The following ELMO1 variants were observed in gnomAD, a reference collection of about 807,000 sequenced individuals.
The protein encoded by ELMO1 is engulfment and cell motility 1.
ELMO1 carries 26 observed loss-of-function variants against 98.9 expected under a neutral mutation model. That is an observed-to-expected ratio of 0.26 (90% CI 0.19 to 0.36). The LOEUF is 0.36. ELMO1 is among the 10% of genes least tolerant of loss of function. The pLI, the probability that ELMO1 is intolerant of heterozygous loss-of-function variation, is 1.00. For synonymous variants in ELMO1, 346 were observed against 346.0 expected (o/e 1.00, Z 0.00); for missense variants, 627 against 935.2 (o/e 0.67, Z 4.30).
chr7:36,901,380 T>C (rs1227491128), intron 16 of ELMO1, among the ~76,000 whole-genome samples: 1 of 152,214 alleles, frequency 6.6e-6, no homozygotes, highest in African/African-American at 2.4e-5. Flanking sequence ...AAACTTCTGT[T>C]AAGGGCAGAT....
intron 16 of ELMO1, among the ~76,000 whole-genome samples, chr7:36,976,849 C>T (rs1790592265): frequency 6.6e-6 from 1 of 152,182 alleles, no homozygotes. Flanking sequence ...GAAAAGTCTT[C>T]ACACCATTCA....
chr7:37,135,617 A>C (rs1454662635), intron 13 of ELMO1, among the ~76,000 whole-genome samples: 1 of 152,158 alleles, frequency 6.6e-6, no homozygotes, highest in African/African-American at 2.4e-5. Context: ...CTAGACCCAG[A>C]AGAGCAAAAA....
At chr7:37,283,880 G>C (rs1449515877) in intron 4 of ELMO1, among the ~76,000 whole-genome samples, 3 of 152,212 alleles carry the variant, frequency 2.0e-5, no homozygotes, top group South Asian at 2.1e-4. Context: ...TGCCCTCTTT[G>C]AAGAACCCTG....
At chr7:37,314,273 A>C (rs1799036662) in intron 4 of ELMO1, among the ~76,000 whole-genome samples, 1 of 152,112 alleles carries the variant, frequency 6.6e-6, no homozygotes, top group South Asian at 2.1e-4. Context: ...AATAAATTCC[A>C]GTGTGCCCTT....
intron 1 of ELMO1, among the ~76,000 whole-genome samples, chr7:37,421,094 C>T (rs1804453080): frequency 6.6e-6 from 1 of 152,204 alleles, no homozygotes; most frequent in African/African-American, 2.4e-5. Flanking sequence ...TAACCTCTTC[C>T]TAATGAGGAG....
chr7:37,235,472 C>A (rs1183245276), intron 7 of ELMO1, among the ~76,000 whole-genome samples: 1 of 152,120 alleles, frequency 6.6e-6, no homozygotes, highest in African/African-American at 2.4e-5. Context: ...GATATTTGGT[C>A]ATACCCAGCA....
chr7:37,295,973 G>A (rs775124317), intron 4 of ELMO1, among the ~76,000 whole-genome samples: 7 of 152,276 alleles, frequency 4.6e-5, no homozygotes, highest in South Asian at 2.1e-4. Context: ...CATTCCCACC[G>A]TGTATTTACC....
intron 14 of ELMO1, among the ~76,000 whole-genome samples, chr7:37,098,507 C>T (rs1051111819): frequency 2.0e-5 from 3 of 152,156 alleles, no homozygotes; most frequent in Non-Finnish European, 4.4e-5. Flanking sequence ...TGAGAAAGAC[C>T]TTGCTATGTC....
chr7:36,967,973 G>A (rs1401785454), intron 16 of ELMO1, among the ~76,000 whole-genome samples: 1 of 152,070 alleles, frequency 6.6e-6, no homozygotes, highest in African/African-American at 2.4e-5. Context: ...TTTTGTTTTA[G>A]TAAGTTTATT....
chr7:37,360,081 TA>T (rs1341483105), intron 1 of ELMO1, among the ~76,000 whole-genome samples: 2 of 152,228 alleles, frequency 1.3e-5, no homozygotes, highest in Non-Finnish European at 2.9e-5. Context: ...TCATGACCTC[TA>T]AGCTTTTACC....
chr7:37,320,584 G>A (rs1212839059), intron 2 of ELMO1, among the ~76,000 whole-genome samples: 1 of 152,124 alleles, frequency 6.6e-6, no homozygotes. Context: ...CTAAATAGAT[G>A]TAATTACTCC....
At chr7:37,046,765 G>C (rs1394567694) in intron 15 of ELMO1, among the ~76,000 whole-genome samples, 1 of 152,206 alleles carries the variant, frequency 6.6e-6, no homozygotes, top group Non-Finnish European at 1.5e-5. Flanking sequence ...ATCTTTGAAA[G>C]ATCAAGGGAG....
Position 37,170,050 on chromosome 7 carries a change from C to T in ELMO1, c.1087-36816G>A, listed in dbSNP as rs111712156. Among the ~76,000 whole-genome samples the T allele has an allele frequency of 9.2e-5, 14 of 152,198 alleles. 1 individual carries two copies. Among genetic ancestry groups the T allele is most frequent in the African/African-American group, 2.4e-4 (10 of 41,518 alleles). On this transcript the variant is annotated intron_variant, in intron 13 of 21. Transcript: ENST00000310758. ...CCGAGTAGCTGCGATTATAAGCACACGCCACCATGCCCAGCTAATTTTTTT... is the reference window on the plus strand; with the variant it reads ...CCGAGTAGCTGCGATTATAAGCACATGCCACCATGCCCAGCTAATTTTTTT...
At chr7:37,295,887 A>G (rs1798004193) in intron 4 of ELMO1, among the ~76,000 whole-genome samples, 1 of 152,214 alleles carries the variant, frequency 6.6e-6, no homozygotes, top group African/African-American at 2.4e-5. Flanking sequence ...TGATCATTAT[A>G]ATAATATAGC....
chr7:37,300,647 G>A, intron 4 of ELMO1, among the ~76,000 whole-genome samples: 1 of 108,866 alleles, frequency 9.2e-6, no homozygotes, highest in African/African-American at 3.4e-5. Context: ...TAAGCTTTTT[G>A]ATGTGCTGCT....
chr7:36,865,415 A>C (rs191223257), intron 20 of ELMO1, among the ~76,000 whole-genome samples: 1 of 152,360 alleles, frequency 6.6e-6, no homozygotes, highest in African/African-American at 2.4e-5. Flanking sequence ...CATGTAGTAC[A>C]TAACAGAGAT....
chr7:37,180,790 GCACATATGCACACACATATGCGCA>G (rs1392281735), intron 13 of ELMO1, among the ~76,000 whole-genome samples: 5 of 142,800 alleles, frequency 3.5e-5, no homozygotes, highest in South Asian at 2.3e-4. Flanking sequence ...ACACACATAT[GCACATATGCACACACATATGCGCA>G]CACACACACA....
intron 2 of ELMO1, 26 bp from the exon 3 acceptor site, chr7:37,315,986 C>T (rs1562606608): frequency 1.2e-5 from 18 of 1,533,752 alleles, no homozygotes; most frequent in Non-Finnish European, 1.4e-5. Context: ...AAAGGAAATA[C>T]TTGTTAGTTT....
intron 8 of ELMO1, among the ~76,000 whole-genome samples, chr7:37,226,202 C>A (rs904347582): frequency 1.3e-5 from 2 of 152,158 alleles, no homozygotes; most frequent in Non-Finnish European, 2.9e-5. Flanking sequence ...TGAAGAAGTG[C>A]AGTGACATTA....
Sources: allele counts gnomAD v4.1 joint callset (sites outside exome capture counted in the v4.1 genomes callset), GRCh38; gene constraint gnomAD v4.1.1; transcripts MANE v1.5; gene names NCBI Gene and HGNC (gene_info 2026-07-23, HGNC 2026-07-21).